Variants in C22orf23 observed in about 807,000 individuals in gnomAD.
The protein encoded by C22orf23 is chromosome 22 open reading frame 23.
Under a neutral mutation model 29.7 loss-of-function variants are expected in C22orf23, and 30 were observed. The ratio of observed to expected loss-of-function variants is 1.01; its 90% confidence interval spans 0.76 to 1.37. The LOEUF (loss-of-function observed/expected upper bound fraction) is 1.37, where lower values mean the gene tolerates loss of function less well. Among genes scored for constraint, C22orf23 ranks in the 40% most tolerant of loss-of-function variants. The probability of loss-of-function intolerance (pLI) is 0.00; values close to 1 mark genes in which losing one functional copy is unlikely to be tolerated. For synonymous variants in C22orf23, 90 were observed against 96.1 expected (o/e 0.94, Z 0.37); for missense variants, 237 against 273.1 (o/e 0.87, Z 0.93).
chr22:37,950,295 A>G (rs950580194), intron 3 of C22orf23, among the ~76,000 whole-genome samples: 2 of 151,228 alleles, frequency 1.3e-5, no homozygotes, highest in African/African-American at 2.4e-5. Context: ...GTATTGGCAT[A>G]GAGACAGGGT....
rs1303776159 is a variant in C22orf23, at chr22:37,947,435, G to A, written c.195C>T (p.Ser65=). Residue 65 remains serine, a synonymous_variant, in exon 4 of 7, where the codon AGC becomes AGT. Coordinates refer to ENST00000403305, the MANE Select transcript of C22orf23 (RefSeq NM_032561.5). The part of the protein sequence containing the change: ...KRGDALPLQC[S]PTSSQRVLPS... The stretch of plus-strand genomic sequence containing the variant: ...GTAAGACTCTCTGGCTGGATGTTGG[G>A]CTGCACTGTAGGGGCAAAGCATCTC... 2 of 1,609,310 alleles carry A rather than the reference G, an allele frequency of 1.2e-6. No homozygotes were observed. Among genetic ancestry groups the A allele is most frequent in the Non-Finnish European group, 1.7e-6 (2 of 1,177,588 alleles).
intron 1 of C22orf23, 38 bp from the exon 2 acceptor site, chr22:37,953,196 C>T: frequency 2.1e-6 from 3 of 1,419,914 alleles, no homozygotes; most frequent in Non-Finnish European, 3.0e-6. Context: ...CCCCCTGTCT[C>T]CTGTCCCTAA....
intron 3 of C22orf23, 172 bp downstream of exon 3, chr22:37,951,288 T>C: frequency 3.3e-6 from 2 of 610,604 alleles, no homozygotes; most frequent in Non-Finnish European, 5.8e-6. Flanking sequence ...ACTCCTGGGC[T>C]TAAGCCATCC....
chr22:37,944,327 C>T (rs1046527405), intron 6 of C22orf23, 81 bp from the exon 7 acceptor site: 1 of 1,613,296 alleles, frequency 6.2e-7, no homozygotes, highest in Non-Finnish European at 8.5e-7. Context: ...AGAGCCTGAC[C>T]CCTGAACCCT....
chr22:37,947,545 C>G (rs1252775608), intron 3 of C22orf23, 82 bp from the exon 4 acceptor site: 1 of 1,197,632 alleles, frequency 8.3e-7, no homozygotes, highest in East Asian at 2.9e-5. Context: ...GAGTCTTGCT[C>G]TGTCACTCAG....
At chr22:37,951,134 C>T in intron 3 of C22orf23, 1 of 203,464 alleles carries the variant, frequency 4.9e-6, no homozygotes. Flanking sequence ...ATGGCATGAA[C>T]CCGGGAGGCA....
intron 6 of C22orf23, 67 bp downstream of exon 6, chr22:37,944,350 C>T: frequency 6.2e-7 from 1 of 1,613,194 alleles, no homozygotes; most frequent in Admixed American, 1.7e-5. Context: ...CACAGCAGAC[C>T]CTGTATTTCC....
chr22:37,947,248 T>G, intron 4 of C22orf23, 33 bp downstream of exon 4: 3 of 1,611,388 alleles, frequency 1.9e-6, no homozygotes, highest in Non-Finnish European at 2.5e-6. Flanking sequence ...CCCAGGGAGA[T>G]GGAGAAAGGC....
chr22:37,949,461 T>TG (rs796381760), intron 3 of C22orf23, among the ~76,000 whole-genome samples: 4,599 of 144,342 alleles, frequency 0.032, 279 homozygotes, highest in African/African-American at 0.11. Flanking sequence ...TTTTTTTTTT[T>TG]TTTTTTTTTT....
rs1569156270 is a variant in C22orf23, at chr22:37,947,322, T to C, written c.308A>G (p.Asn103Ser). 2.0e-5 allele frequency: 33 copies of C among 1,613,760 alleles called. No individual in the cohort carries two copies. Among genetic ancestry groups the C allele is most frequent in the Non-Finnish European group, 2.8e-5 (33 of 1,179,966 alleles). The change falls in exon 4 of 7, where the codon AAT (asparagine) becomes AGT (serine). Residue 103 changes from asparagine (N) to serine (S), a missense_variant. Physicochemically the swap from Asn to Ser is conservative, Grantham distance 46 (BLOSUM62 1). Transcript: ENST00000403305. ...GAACTGCTCCCGGCTGTAGGCCCCA[T>C]TGGCTTGACACATGTTGGCAGGCCG... is the stretch of plus-strand genomic sequence containing the variant. ...HLRPANMCQA[N>S]GAYSREQFKP... is the part of the protein sequence containing the mutation.
intron 2 of C22orf23, 174 bp from the exon 3 acceptor site, chr22:37,951,696 T>C: frequency 2.5e-6 from 1 of 405,294 alleles, no homozygotes; most frequent in Non-Finnish European, 4.4e-6. Context: ...AAATTCTATA[T>C]ATTTTATTTT....
At chr22:37,946,777 C>T (rs1454119434) in intron 4 of C22orf23, among the ~76,000 whole-genome samples, 1 of 147,466 alleles carries the variant, frequency 6.8e-6, no homozygotes, top group East Asian at 2.0e-4. Flanking sequence ...AGGAGGCTGA[C>T]ACATGAGAAT....
chr22:37,944,956 G>C lies in C22orf23; in HGVS notation c.481+86C>G, dbSNP rs1930606535. 4 of 1,400,282 alleles carry C rather than the reference G, an allele frequency of 2.9e-6. No homozygotes were observed. In the East Asian group the frequency reaches 9.5e-5, roughly 33 times the overall value. The allele number at this position is 1,400,282 out of a possible 1,614,324, so 86.7% of individuals were successfully genotyped here. On this transcript the variant is annotated intron_variant, in intron 5 of 6. Transcript: ENST00000403305. ...CTCACTTGTTGGCCCTTGGCCCTCAGGGATCCCCTGACTGCTCCATCCAAT... is the reference window on the plus strand; with the variant it reads ...CTCACTTGTTGGCCCTTGGCCCTCACGGATCCCCTGACTGCTCCATCCAAT...
At chr22:37,945,220 C>T (rs1449900085) in intron 4 of C22orf23, 47 bp from the exon 5 acceptor site, 3 of 1,582,252 alleles carry the variant, frequency 1.9e-6, no homozygotes, top group Non-Finnish European at 2.6e-6. Flanking sequence ...AAAGGGTGCC[C>T]TTATTCATGG....
chr22:37,949,734 C>G (rs1203477405), intron 3 of C22orf23, among the ~76,000 whole-genome samples: 1 of 152,018 alleles, frequency 6.6e-6, no homozygotes, highest in East Asian at 1.9e-4. Context: ...GCTGGGATTA[C>G]AGGCGTGAGC....
intron 2 of C22orf23, 40 bp downstream of exon 2, chr22:37,953,006 TG>T: frequency 1.3e-6 from 2 of 1,482,698 alleles, no homozygotes; most frequent in Non-Finnish European, 1.9e-6. Context: ...AACCGGTCCC[TG>T]GTGCCAAAAA....
intron 2 of C22orf23, chr22:37,952,804 G>A (rs1476239606): frequency 2.5e-6 from 1 of 408,108 alleles, no homozygotes; most frequent in Non-Finnish European, 4.4e-6. Flanking sequence ...GAGCCTCACC[G>A]CCTCCTTTCA....
rs1471992672 is a variant in C22orf23 at position 37,953,492 on chromosome 22, C to T, written c.-54G>A. The T allele has an allele frequency of 3.7e-6, 2 of 545,010 alleles. No individual in the cohort carries two copies. The highest frequency in any genetic ancestry group is 6.5e-6 in the Non-Finnish European group (2 of 309,528). 33.8% of individuals were successfully genotyped at this position (545,010 alleles called of 1,614,324 possible). A position where few individuals can be genotyped will look rare whatever the true frequency, so the allele number is the denominator to read the frequency against. ...GCTCCCCTCTCCACATAGAAGTGGGCTCCCGGAGGCGGTGACCACTGCTTT... is the reference window on the plus strand; with the variant it reads ...GCTCCCCTCTCCACATAGAAGTGGGTTCCCGGAGGCGGTGACCACTGCTTT... On this transcript the variant is annotated 5_prime_UTR_variant, in exon 1 of 7. Coordinates refer to ENST00000403305, the MANE Select transcript of C22orf23 (RefSeq NM_032561.5).
upstream of C22orf23, chr22:37,953,628 A>ATGCGCTGACTGGTGTG: frequency 1.2e-6 from 1 of 812,924 alleles, no homozygotes; most frequent in Non-Finnish European, 1.9e-6. Flanking sequence ...CAGTCAGCGC[A>ATGCGCTGACTGGTGTG]TGCGCACTTT....
Sources: gnomAD v4.1 joint callset for allele counts (sites outside exome capture counted in the v4.1 genomes callset) on GRCh38, gnomAD v4.1.1 for gene constraint, MANE v1.5 for transcripts, NCBI Gene and HGNC (gene_info 2026-07-23, HGNC 2026-07-21) for gene names.